Variants in TENM2 observed in about 807,000 individuals in gnomAD.
TENM2 encodes the protein teneurin-2.
In TENM2, 52 loss-of-function variants were observed where a neutral mutation model predicts 245.2. The ratio of observed to expected loss-of-function variants is 0.21; its 90% CI spans 0.17 to 0.27. TENM2 has a LOEUF of 0.27. Among genes scored for constraint, TENM2 ranks in the 10% least tolerant of loss-of-function variants. The pLI is 1.00. For synonymous variants in TENM2, 1,363 were observed against 1,438.9 expected (o/e 0.95, Z 1.19); for missense variants, 3,046 against 3,666.8 (o/e 0.83, Z 4.37).
At chr5:167,528,399 C>T (rs1041355186) in intron 2 of TENM2, among the ~76,000 whole-genome samples, 16 of 152,086 alleles carry the variant, frequency 1.1e-4, no homozygotes, top group Admixed American at 6.6e-5. Context: ...ATGGGTACTG[C>T]ATTCAGAATC....
intron 4 of TENM2, among the ~76,000 whole-genome samples, chr5:167,972,785 T>G (rs554674790): frequency 3.3e-5 from 5 of 152,278 alleles, no homozygotes; most frequent in African/African-American, 1.2e-4. Context: ...TTAAGAGGAT[T>G]TTTTTTCAAG....
At chr5:167,662,673 C>T (rs1260582328) in intron 2 of TENM2, among the ~76,000 whole-genome samples, 1 of 152,214 alleles carries the variant, frequency 6.6e-6, no homozygotes, top group Non-Finnish European at 1.5e-5. Flanking sequence ...TATTTACCCA[C>T]ATTTAACAAA....
chr5:168,046,501 G>GA (rs900187135), intron 5 of TENM2, among the ~76,000 whole-genome samples: 2 of 152,154 alleles, frequency 1.3e-5, no homozygotes, highest in African/African-American at 2.4e-5. Flanking sequence ...CCACTCAGTA[G>GA]AAAAAACTCA....
At position 168,179,756 on chromosome 5, in the gene TENM2, C is replaced by T. The variant is rs370816277; in HGVS notation, c.2570-10581C>T. Among the ~76,000 whole-genome samples, 71 of 152,294 alleles carry T rather than the reference C, an allele frequency of 4.7e-4. 3 individuals are homozygous for T. In the South Asian group the frequency reaches 0.014, roughly 31 times the overall value. On this transcript the variant is annotated intron_variant, in intron 13 of 28. Coordinates refer to ENST00000518659, the Ensembl canonical transcript of TENM2. The stretch of plus-strand genomic sequence containing the variant: ...TGACCATAGGTGAATTATTTAATCT[C>T]GAAGTCTCCCATTTCTCACCTGTAA...
intron 2 of TENM2, among the ~76,000 whole-genome samples, chr5:167,803,202 T>C (rs1048600399): frequency 6.6e-6 from 1 of 151,990 alleles, no homozygotes; most frequent in African/African-American, 2.4e-5. Flanking sequence ...ATATGGCCAT[T>C]TACACGGGAG....
intron 2 of TENM2, among the ~76,000 whole-genome samples, chr5:167,425,841 A>G (rs1020078584): frequency 1.3e-5 from 2 of 152,200 alleles, no homozygotes; most frequent in Non-Finnish European, 2.9e-5. Flanking sequence ...CCTGTTAAGT[A>G]TTTAGCAGAG....
At chr5:167,260,295 A>G in the TENM2 span, among the ~76,000 whole-genome samples, 3 of 152,200 alleles carry the variant, frequency 2.0e-5, no homozygotes, top group Non-Finnish European at 2.9e-5. Flanking sequence ...TTTGGAGGAA[A>G]AAAATCATTA....
chr5:167,219,360 C>G, the TENM2 span, among the ~76,000 whole-genome samples: 1 of 152,016 alleles, frequency 6.6e-6, no homozygotes, highest in Non-Finnish European at 1.5e-5. Context: ...ACAAAACAAA[C>G]AAAACGTGGA....
chr5:167,348,777 A>T (rs1187278993), intron 1 of TENM2, among the ~76,000 whole-genome samples: 1 of 152,200 alleles, frequency 6.6e-6, no homozygotes, highest in Non-Finnish European at 1.5e-5. Context: ...AAAATTGGCA[A>T]TGGAGTCAAA....
chr5:167,977,397 T>C (rs1238614035), intron 4 of TENM2, among the ~76,000 whole-genome samples: 1 of 152,152 alleles, frequency 6.6e-6, no homozygotes, highest in Non-Finnish European at 1.5e-5. Flanking sequence ...ATATAAAAAA[T>C]TGAAGAACTT....
chr5:167,002,285 T>G, the TENM2 span, among the ~76,000 whole-genome samples: 6 of 152,192 alleles, frequency 3.9e-5, no homozygotes, highest in African/African-American at 1.4e-4. Context: ...AATCTTATAT[T>G]AAATTGTATG....
intron 8 of TENM2, among the ~76,000 whole-genome samples, chr5:168,096,066 G>A (rs1346464896): frequency 6.6e-6 from 1 of 152,172 alleles, no homozygotes; most frequent in Non-Finnish European, 1.5e-5. Context: ...GTTCCAGAGG[G>A]AGATATTGTC....
intron 3 of TENM2, among the ~76,000 whole-genome samples, chr5:167,892,847 T>C (rs1774868065): frequency 6.6e-6 from 1 of 152,214 alleles, no homozygotes; most frequent in South Asian, 2.1e-4. Flanking sequence ...GAGATAATTA[T>C]ACTTCAAGAT....
chr5:167,344,597 G>A (rs182153607), intron 1 of TENM2, among the ~76,000 whole-genome samples: 2 of 152,138 alleles, frequency 1.3e-5, no homozygotes, highest in Admixed American at 6.5e-5. Context: ...GAAAATAAAT[G>A]TTTTCTAAAG....
At chr5:167,085,656 G>A in the TENM2 span, among the ~76,000 whole-genome samples, 1 of 152,164 alleles carries the variant, frequency 6.6e-6, no homozygotes, top group African/African-American at 2.4e-5. Context: ...TGCAAAAGAA[G>A]TCTGATTCAA....
At chr5:167,503,641 C>T (rs1357762602) in intron 2 of TENM2, among the ~76,000 whole-genome samples, 1 of 151,914 alleles carries the variant, frequency 6.6e-6, no homozygotes, top group Admixed American at 6.6e-5. Context: ...TGCCTGTAAT[C>T]CCAGCACTTT....
At chr5:167,875,955 T>G in intron 2 of TENM2, 31 bp from the exon 5 acceptor site, 1 of 1,500,296 alleles carries the variant, frequency 6.7e-7, no homozygotes, top group Non-Finnish European at 9.1e-7. Context: ...CACTCATTGC[T>G]GACCTTTGAC....
chr5:168,101,985 G>A (rs891632249), intron 9 of TENM2, among the ~76,000 whole-genome samples: 15 of 152,306 alleles, frequency 9.8e-5, no homozygotes, highest in Admixed American at 7.8e-4. Flanking sequence ...TCATGGGACA[G>A]AAGTATTATT....
intron 2 of TENM2, among the ~76,000 whole-genome samples, chr5:167,499,998 GTGTA>G (rs201144473): frequency 6.7e-6 from 1 of 148,282 alleles, no homozygotes; most frequent in Non-Finnish European, 1.5e-5. Flanking sequence ...GTATGTGAGG[GTGTA>G]TGTGTGTGTG....
Sources: gnomAD v4.1 joint callset for allele counts (sites outside exome capture counted in the v4.1 genomes callset) on GRCh38, gnomAD v4.1.1 for gene constraint, MANE v1.5 for transcripts, NCBI Gene and HGNC (gene_info 2026-07-23, HGNC 2026-07-21) for gene names.